The following UBR4 variants were observed in gnomAD, a reference collection of about 807,000 sequenced individuals.
UBR4 encodes E3 ubiquitin-protein ligase UBR4.
In UBR4, 124 loss-of-function variants were observed where a neutral mutation model predicts 575.6. The ratio of observed to expected loss-of-function variants is 0.22; its 90% CI spans 0.19 to 0.25. UBR4 has a LOEUF of 0.25. UBR4 is among the 10% of genes least tolerant of loss of function. The probability of loss-of-function intolerance (pLI) is 1.00; values close to 1 mark genes in which losing one functional copy is unlikely to be tolerated. For synonymous variants in UBR4, 2,455 were observed against 2,473.7 expected (o/e 0.99, Z 0.22); for missense variants, 4,818 against 6,478.8 (o/e 0.74, Z 8.80).
rs1346248213 is a variant in UBR4 at position 19,193,417 on chromosome 1, C to G, written c.1143+16G>C. 6.2e-7 allele frequency: 1 copy of G among 1,612,632 alleles called. No homozygotes were observed. Among genetic ancestry groups the G allele is most frequent in the Admixed American group, 1.7e-5 (1 of 59,774 alleles). ...TGAACAATCAAGGTTCCCTTATCCCCAGATCTTTGGCTTACACATTTCTGG... is the reference window on the plus strand; with the variant it reads ...TGAACAATCAAGGTTCCCTTATCCCGAGATCTTTGGCTTACACATTTCTGG... On this transcript the variant is annotated intron_variant, in intron 9 of 105. Coordinates refer to ENST00000375254, the MANE Select transcript of UBR4 (RefSeq NM_020765.3).
chr1:19,161,056 A>G lies in UBR4; in HGVS notation c.5267T>C (p.Val1756Ala). 6.2e-7 allele frequency: 1 copy of G among 1,614,170 alleles called. No homozygotes were observed. Among genetic ancestry groups the G allele is most frequent in the Non-Finnish European group, 8.5e-7 (1 of 1,180,030 alleles). ...TGGCGAGGAGGTGCTGGCATGACGC[A>G]CTAGACTCTCTGAAATCCTGGGTTC... ...QSEPRISESLVRHASTSSPAD... is the reference protein window; with the variant it reads ...QSEPRISESLARHASTSSPAD... The change falls in exon 38 of 106, where the codon GTG (valine) becomes GCG (alanine). Residue 1756 changes from valine (V) to alanine (A), a missense_variant. Val to Ala is a moderately conservative substitution (Grantham distance 64). This residue lies in a region of UBR4 where 159 missense variants were observed against 174.6 expected (regional missense o/e 0.91). Coordinates refer to ENST00000375254, the MANE Select transcript of UBR4 (RefSeq NM_020765.3).
intron 105 of UBR4, among the ~76,000 whole-genome samples, 173 bp downstream of exon 105, chr1:19,076,567 G>A (rs1291412947): frequency 2.0e-5 from 3 of 152,192 alleles, no homozygotes; most frequent in Non-Finnish European, 2.9e-5. Context: ...TGCTGTTCTC[G>A]TTATCGGTGA....
intron 77 of UBR4, chr1:19,113,156 C>A: frequency 2.8e-6 from 1 of 358,530 alleles, no homozygotes; most frequent in East Asian, 5.6e-5. Context: ...AGCTAATACA[C>A]GTGTAGCAAA....
rs761098168 is a variant in UBR4 at position 19,173,164 on chromosome 1, G to T, written c.3291+17C>A. The T allele has an allele frequency of 1.9e-6, 3 of 1,614,042 alleles. No individual in the cohort carries two copies. The highest frequency in any genetic ancestry group is 2.2e-5 in the East Asian group (1 of 44,878). ...GTAGAAACCAAGTTCTATCATTTAGGTTCCAATATTACATACCTGTCGAGC... is the reference window on the plus strand; with the variant it reads ...GTAGAAACCAAGTTCTATCATTTAGTTTCCAATATTACATACCTGTCGAGC... On this transcript the variant is annotated intron_variant, in intron 24 of 105. Transcript: ENST00000375254.
chr1:19,112,765 T>A lies in UBR4; in HGVS notation c.11560A>T (p.Ser3854Cys). ...RTSVQPTFTA[S>C]QYRALSVLGC... Reference sequence around the variant, plus strand: ...AGGACGGATAAGGCACGGTACTGGCTGGCAGTGAATGTGGGCTGCACGGAG... The same window carrying A: ...AGGACGGATAAGGCACGGTACTGGCAGGCAGTGAATGTGGGCTGCACGGAG... Residue 3854 changes from serine (S) to cysteine (C), a missense_variant, in exon 78 of 106, where the codon AGC (serine) becomes TGC (cysteine). By Grantham distance (112) the Ser-to-Cys change is moderately radical. Transcript: ENST00000375254. The A allele has an allele frequency of 1.2e-6, 2 of 1,614,244 alleles. No individual in the cohort carries two copies. The highest frequency in any genetic ancestry group is 1.7e-6 in the Non-Finnish European group (2 of 1,180,022).
intron 17 of UBR4, among the ~76,000 whole-genome samples, chr1:19,179,508 A>G (rs773486292): frequency 1.3e-5 from 2 of 152,270 alleles, no homozygotes; most frequent in Non-Finnish European, 2.9e-5. Context: ...TACCAGAATC[A>G]GGATAATTTT....
In UBR4 at chr1:19,151,875, G is replaced by A; in HGVS notation, c.6997-16C>T. ...AGCCTCCGGGCTGTAGGGAGACAAG[G>A]CACACATCAAGAAACTACAGAAGTT... is the stretch of plus-strand genomic sequence containing the variant. On this transcript the variant is annotated splice_polypyrimidine_tract_variant and intron_variant, in intron 47 of 105. Transcript: ENST00000375254. The A allele has an allele frequency of 6.4e-7, 1 of 1,556,262 alleles. No individual in the cohort carries two copies. Among genetic ancestry groups the A allele is most frequent in the Non-Finnish European group, 8.7e-7 (1 of 1,153,394 alleles).
rs759188184 is a variant in UBR4, at chr1:19,173,190, G to A, written c.3282C>T (p.Phe1094=). The part of the protein sequence containing the change: ...KYDVEIVEEY[F]ARQISSFCSI... The stretch of plus-strand genomic sequence containing the variant: ...TTCCAATATTACATACCTGTCGAGC[G>A]AAGTATTCCTCTACTATTTCAACAT... Residue 1094 remains phenylalanine, a synonymous_variant, in exon 24 of 106, where the codon TTC becomes TTT. Transcript: ENST00000375254. The A allele has an allele frequency of 2.5e-5, 40 of 1,614,068 alleles. No individual in the cohort carries two copies. Among genetic ancestry groups the A allele is most frequent in the African/African-American group, 4.0e-5 (3 of 74,912 alleles).
chr1:19,161,525 T>C (rs537401547), intron 37 of UBR4, 64 bp downstream of exon 37: 1 of 1,528,838 alleles, frequency 6.5e-7, no homozygotes, highest in South Asian at 1.3e-5. Context: ...ATTTTCCAGT[T>C]TGGCTTCAGT....
chr1:19,146,791 G>T (rs757021343), intron 52 of UBR4, 35 bp downstream of exon 52: 1 of 1,594,424 alleles, frequency 6.3e-7, no homozygotes, highest in Non-Finnish European at 8.6e-7. Context: ...ATATGAAGCA[G>T]ATCTCAGGAC....
rs537114438 is a variant in UBR4 at position 19,084,593 on chromosome 1, C to T, written c.14919G>A (p.Ser4973=). ...CGCCCCCGCCAGTGTCTGCGCTGAA[C>T]GACTGCTCCATGGCGAAGCGCAGGA... The part of the protein sequence containing the change: ...LLFLRFAMEQ[S]FSADTGGGGR... The change falls in exon 102 of 106, where the codon TCG becomes TCA. Residue 4973 remains serine, a synonymous_variant. Coordinates refer to ENST00000375254, the MANE Select transcript of UBR4 (RefSeq NM_020765.3). 1.3e-5 allele frequency: 21 copies of T among 1,614,230 alleles called. No homozygotes were observed. The highest frequency in any genetic ancestry group is 6.7e-5 in the Admixed American group (4 of 60,034).
At position 19,084,480 on chromosome 1, in the gene UBR4, G is replaced by A. The variant is rs371493331; in HGVS notation, c.15008+24C>T. 2.7e-4 allele frequency: 430 copies of A among 1,580,446 alleles called. 5 individuals are homozygous for A. The South Asian group carries it at 3.7e-3, about 14-fold the overall frequency. On this transcript the variant is annotated intron_variant, in intron 102 of 105. Coordinates refer to ENST00000375254, the MANE Select transcript of UBR4 (RefSeq NM_020765.3). ...ATGCAGGGTGGGTCTGCGAGATGCC[G>A]CCCCTGGGACACAGGGTACTGACGT...
chr1:19,180,911 T>C (rs2090878508), intron 17 of UBR4, among the ~76,000 whole-genome samples: 2 of 152,162 alleles, frequency 1.3e-5, no homozygotes, highest in Non-Finnish European at 2.9e-5. Context: ...CCTCCCTTCC[T>C]CCACTCCTCT....
intron 66 of UBR4, among the ~76,000 whole-genome samples, chr1:19,122,320 T>C (rs942179): frequency 0.67 from 102,246 of 152,098 alleles, 35,233 homozygotes; most frequent in East Asian, 0.81. Flanking sequence ...TAAGAAACTA[T>C]AATCCAGTTT....
chr1:19,164,113 T>C (rs1272135964), intron 33 of UBR4, 140 bp downstream of exon 33: 2 of 962,400 alleles, frequency 2.1e-6, no homozygotes, highest in Non-Finnish European at 3.1e-6. Flanking sequence ...AACAGAGCTA[T>C]TTGCTACCCA....
chr1:19,097,078 A>C, intron 91 of UBR4, 115 bp downstream of exon 91: 1 of 801,318 alleles, frequency 1.2e-6, no homozygotes, highest in South Asian at 2.8e-5. Flanking sequence ...CAATCTCCCC[A>C]CAATTCTGAT....
chr1:19,195,838 A>G (rs979234296), intron 8 of UBR4, among the ~76,000 whole-genome samples: 2 of 152,138 alleles, frequency 1.3e-5, no homozygotes, highest in Non-Finnish European at 2.9e-5. Context: ...CTCACAGCTC[A>G]GAATCTTTAA....
chr1:19,087,310 G>A (rs1261572682), intron 99 of UBR4, among the ~76,000 whole-genome samples: 2 of 152,242 alleles, frequency 1.3e-5, no homozygotes, highest in African/African-American at 4.8e-5. Context: ...GCCTTCAGGA[G>A]AGCCAGCAGG....
At chr1:19,154,841 A>C in intron 44 of UBR4, 77 bp downstream of exon 44, 2 of 1,584,428 alleles carry the variant, frequency 1.3e-6, no homozygotes, top group South Asian at 2.2e-5. Flanking sequence ...CTCAGAACAG[A>C]TAGCAGATAG....
Sources: allele counts gnomAD v4.1 joint callset (sites outside exome capture counted in the v4.1 genomes callset), GRCh38; gene constraint gnomAD v4.1.1; regional missense constraint gnomAD v4.1.1; transcripts MANE v1.5; gene names NCBI Gene and HGNC (gene_info 2026-07-23, HGNC 2026-07-21).